The following GNA14 variants were observed in gnomAD, a reference collection of about 807,000 sequenced individuals.
GNA14 encodes G protein subunit alpha 14.
GNA14 carries 50 observed loss-of-function variants against 42.0 expected under a neutral mutation model. The observed-to-expected ratio is 1.19, with a 90% CI of 0.95 to 1.51. The LOEUF (loss-of-function observed/expected upper bound fraction) is 1.51, where lower values mean the gene tolerates loss of function less well. Among genes scored for constraint, GNA14 ranks in the 40% most tolerant of loss-of-function variants. GNA14 has a pLI of 0.00. For missense variants in GNA14, 473 were observed against 446.2 expected (o/e 1.06, Z -0.54); for synonymous variants, 173 against 163.1 (o/e 1.06, Z -0.46).
chr9:77,436,607 C>T (rs1835642121), intron 2 of GNA14, among the ~76,000 whole-genome samples: 1 of 152,132 alleles, frequency 6.6e-6, no homozygotes, highest in South Asian at 2.1e-4. Context: ...AGCTCTCTCC[C>T]ATGTCCTCCC....
chr9:77,646,903 G>T (rs1001164814), intron 1 of GNA14, among the ~76,000 whole-genome samples: 1 of 152,214 alleles, frequency 6.6e-6, no homozygotes, highest in African/African-American at 2.4e-5. Context: ...GACACCAAAA[G>T]AGCTGGATGA....
At chr9:77,521,649 A>G (rs1012127016) in intron 2 of GNA14, among the ~76,000 whole-genome samples, 9 of 152,002 alleles carry the variant, frequency 5.9e-5, no homozygotes, top group Admixed American at 4.6e-4. Flanking sequence ...TTAGAAATAT[A>G]CTCTCCTATG....
At chr9:77,547,776 TAATA>T (rs1193401734) in intron 1 of GNA14, among the ~76,000 whole-genome samples, 1 of 152,166 alleles carries the variant, frequency 6.6e-6, no homozygotes, top group East Asian at 1.9e-4. Flanking sequence ...TGAGTATAAT[TAATA>T]AATAAATAAG....
intron 2 of GNA14, chr9:77,518,231 A>T (rs1436531843): frequency 1.3e-5 from 2 of 152,166 alleles, no homozygotes; most frequent in Non-Finnish European, 2.9e-5. Context: ...ATGACAGGGC[A>T]GGAATTTCAC....
intron 2 of GNA14, among the ~76,000 whole-genome samples, chr9:77,507,982 T>A (rs969377587): frequency 6.6e-6 from 1 of 152,176 alleles, no homozygotes; most frequent in African/African-American, 2.4e-5. Context: ...CCTCCCAAAG[T>A]GCTGGGATTA....
intron 2 of GNA14, among the ~76,000 whole-genome samples, chr9:77,449,646 T>A (rs1835873391): frequency 6.6e-6 from 1 of 152,124 alleles, no homozygotes; most frequent in Non-Finnish European, 1.5e-5. Flanking sequence ...GCCTCCCCAA[T>A]CTTTGAAAAA....
chr9:77,510,066 A>G (rs1466428145), intron 2 of GNA14, among the ~76,000 whole-genome samples: 1 of 152,226 alleles, frequency 6.6e-6, no homozygotes, highest in African/African-American at 2.4e-5. Flanking sequence ...TAATTTTTAG[A>G]GCATTTTCAA....
chr9:77,489,617 G>A (rs1836724435), intron 2 of GNA14, among the ~76,000 whole-genome samples: 1 of 152,158 alleles, frequency 6.6e-6, no homozygotes, highest in South Asian at 2.1e-4. Flanking sequence ...CCCTTCTGAT[G>A]TTCAGATGTG....
intron 2 of GNA14, among the ~76,000 whole-genome samples, chr9:77,480,432 G>A (rs1487986958): frequency 6.6e-6 from 1 of 152,164 alleles, no homozygotes; most frequent in African/African-American, 2.4e-5. Context: ...GCTTTTTGAT[G>A]TGCTGCTGGA....
chr9:77,455,257 C>G (rs967065304), intron 2 of GNA14, among the ~76,000 whole-genome samples: 2 of 152,226 alleles, frequency 1.3e-5, no homozygotes, highest in African/African-American at 4.8e-5. Context: ...CCATGTGGCT[C>G]TCTCACAGCA....
intron 1 of GNA14, among the ~76,000 whole-genome samples, chr9:77,567,669 C>A (rs973181568): frequency 6.6e-6 from 1 of 152,086 alleles, no homozygotes; most frequent in Non-Finnish European, 1.5e-5. Context: ...GAGTTCAAGA[C>A]CAGCCTGGCC....
chr9:77,483,019 A>G (rs987079421), intron 2 of GNA14, among the ~76,000 whole-genome samples: 2 of 151,984 alleles, frequency 1.3e-5, no homozygotes, highest in Non-Finnish European at 2.9e-5. Context: ...TGTAGCTCAG[A>G]GTAGTTTGAT....
At chr9:77,642,566 G>C (rs1476604410) in intron 1 of GNA14, among the ~76,000 whole-genome samples, 46 of 152,096 alleles carry the variant, frequency 3.0e-4, no homozygotes, top group Non-Finnish European at 4.4e-5. Context: ...AGGAGTTTGA[G>C]ACCAGCCTGG....
intron 2 of GNA14, among the ~76,000 whole-genome samples, chr9:77,519,872 T>C (rs1447701691): frequency 6.6e-6 from 1 of 151,972 alleles, no homozygotes; most frequent in African/African-American, 2.4e-5. Flanking sequence ...TAGCCAGGCA[T>C]GGTGGTATAT....
chr9:77,528,924 C>T (rs1020657315), intron 2 of GNA14, 145 bp downstream of exon 2: 6 of 691,326 alleles, frequency 8.7e-6, no homozygotes, highest in Admixed American at 7.5e-5. Flanking sequence ...AACTAAATTC[C>T]TTAAACTCCT....
At chr9:77,457,039 A>C (rs1044494528) in intron 2 of GNA14, among the ~76,000 whole-genome samples, 2 of 152,230 alleles carry the variant, frequency 1.3e-5, no homozygotes, top group Admixed American at 6.5e-5. Context: ...GGCAGCTTCC[A>C]CAATTGCAAG....
At chr9:77,459,536 C>T (rs138498335) in intron 2 of GNA14, among the ~76,000 whole-genome samples, 8 of 152,200 alleles carry the variant, frequency 5.3e-5, no homozygotes, top group South Asian at 2.1e-4. Flanking sequence ...CCCCAGGCAC[C>T]GCCTCTTGCC....
chr9:77,475,037 TC>T (rs796213712), intron 2 of GNA14, among the ~76,000 whole-genome samples: 3 of 151,996 alleles, frequency 2.0e-5, no homozygotes, highest in African/African-American at 7.3e-5. Context: ...GTCCAGTGTT[TC>T]TTTTATGGGG....
intron 2 of GNA14, among the ~76,000 whole-genome samples, chr9:77,493,426 T>C (rs1436289692): frequency 1.3e-5 from 2 of 152,220 alleles, no homozygotes; most frequent in Non-Finnish European, 2.9e-5. Flanking sequence ...ACTCTGATCA[T>C]AAAGTACCAA....
Sources: gnomAD v4.1 joint callset for allele counts (sites outside exome capture counted in the v4.1 genomes callset) on GRCh38, gnomAD v4.1.1 for gene constraint, MANE v1.5 for transcripts, NCBI Gene and HGNC (gene_info 2026-07-23, HGNC 2026-07-21) for gene names.